The following PASD1 variants were observed in gnomAD, a reference collection of about 807,000 sequenced individuals.
The protein encoded by PASD1 is PAS domain containing repressor 1, also known as circadian clock protein PASD1.
Under a neutral mutation model 58.8 loss-of-function variants are expected in PASD1, and 13 were observed. That is an observed-to-expected ratio of 0.22 (90% confidence interval 0.14 to 0.35). The LOEUF is 0.35. Ranked by LOEUF, PASD1 falls within the 10% of genes least tolerant of loss-of-function variation. The pLI is 1.00. For missense variants in PASD1, 734 were observed against 568.3 expected (o/e 1.29, Z -2.96); for synonymous variants, 236 against 216.7 (o/e 1.09, Z -0.78).
chrX:151,671,335 G>A, intron 12 of PASD1, 139 bp downstream of exon 12: 1 of 767,782 alleles, frequency 1.3e-6, no homozygotes, highest in East Asian at 3.2e-5. Flanking sequence ...CCCACAGGGT[G>A]ATATGGGATA....
chrX:151,607,567 G>A (rs2013503644), intron 3 of PASD1, among the ~76,000 whole-genome samples: 2 of 111,824 alleles, frequency 1.8e-5, no homozygotes, highest in African/African-American at 6.5e-5. Flanking sequence ...AACACACAGC[G>A]GGTTGTTCAG....
At chrX:151,623,575 TA>T (rs1305146338) in intron 7 of PASD1, among the ~76,000 whole-genome samples, 3 of 111,917 alleles carry the variant, frequency 2.7e-5, no homozygotes, top group Non-Finnish European at 5.6e-5. Flanking sequence ...CAGTAACATA[TA>T]TAGTAAGTAC....
intron 8 of PASD1, among the ~76,000 whole-genome samples, chrX:151,641,344 T>C (rs148142400): frequency 2.1e-3 from 239 of 111,624 alleles, no homozygotes; most frequent in African/African-American, 7.4e-3. Context: ...AAAAGAAGAA[T>C]TGAATTTTCT....
chrX:151,668,929 T>TTTC (rs2014424140), intron 11 of PASD1, among the ~76,000 whole-genome samples: 2 of 95,921 alleles, frequency 2.1e-5, no homozygotes, highest in Middle Eastern at 5.2e-3. Flanking sequence ...TTTTTTTTTT[T>TTTC]CAGAGATGGG....
At chrX:151,592,250 G>C (rs765605451) in intron 1 of PASD1, among the ~76,000 whole-genome samples, 19 of 112,247 alleles carry the variant, frequency 1.7e-4, no homozygotes, top group Non-Finnish European at 3.4e-4. Context: ...CATTAGTTGG[G>C]AAGATCTGAT....
intron 8 of PASD1, among the ~76,000 whole-genome samples, chrX:151,633,645 G>A (rs1262030479): frequency 9.0e-6 from 1 of 111,378 alleles, no homozygotes; most frequent in Admixed American, 9.6e-5. Flanking sequence ...AAATTATTTT[G>A]ATCATCTAAA....
chrX:151,603,643 T>G (rs2013448737), intron 2 of PASD1, among the ~76,000 whole-genome samples: 1 of 111,065 alleles, frequency 9.0e-6, no homozygotes, highest in African/African-American at 3.3e-5. Flanking sequence ...TCAGGATCAC[T>G]GATCCTGACT....
chrX:151,627,754 G>C (rs1271816748), intron 8 of PASD1, among the ~76,000 whole-genome samples: 2 of 111,717 alleles, frequency 1.8e-5, no homozygotes, highest in African/African-American at 6.5e-5. Flanking sequence ...GGTATTTCTA[G>C]TTCTAGATCC....
At chrX:151,606,505 C>A (rs2013490715) in intron 3 of PASD1, among the ~76,000 whole-genome samples, 1 of 111,302 alleles carries the variant, frequency 9.0e-6, no homozygotes, top group African/African-American at 3.3e-5. Flanking sequence ...ATCTGCATAA[C>A]AACCTACACT....
At chrX:151,652,532 C>CAAAAAAAAAAAAAAAAAA (rs68106404) in intron 9 of PASD1, among the ~76,000 whole-genome samples, 3 of 69,178 alleles carry the variant, frequency 4.3e-5, no homozygotes, top group Non-Finnish European at 8.8e-5. Context: ...GACTCCGTCT[C>CAAAAAAAAAAAAAAAAAA]AAAAAAAAAA....
At chrX:151,594,262 C>G (rs762464048) in intron 1 of PASD1, among the ~76,000 whole-genome samples, 2 of 111,696 alleles carry the variant, frequency 1.8e-5, no homozygotes, top group African/African-American at 6.5e-5. Flanking sequence ...CGTGAGCCAC[C>G]GTGCCCGGCT....
At chrX:151,600,109 C>A (rs1012371580) in intron 1 of PASD1, among the ~76,000 whole-genome samples, 2 of 112,039 alleles carry the variant, frequency 1.8e-5, no homozygotes, top group South Asian at 7.5e-4. Context: ...CCAAAAAATA[C>A]GAAAACCAGT....
intron 2 of PASD1, among the ~76,000 whole-genome samples, chrX:151,602,251 T>TA (rs2013426921): frequency 8.9e-6 from 1 of 112,075 alleles, no homozygotes; most frequent in Non-Finnish European, 1.9e-5. Context: ...TTATATCCTT[T>TA]GTCCAACATC....
In PASD1 at chrX:151,658,495, G is replaced by A. The variant is rs188074619; in HGVS notation, c.718-1218G>A. On this transcript the variant is annotated intron_variant, in intron 9 of 15. Transcript: ENST00000370357. ...GTTTATGTTGAAAATAATCCAGAAA[G>A]CAAAGAGTTAGTGATTAAATCGATA... is the stretch of plus-strand genomic sequence containing the variant. 3.5e-3 allele frequency among the ~76,000 whole-genome samples: 395 copies of A among 112,249 alleles called. 1 individual carries two copies. The highest frequency in any genetic ancestry group is 4.6e-3 in the Non-Finnish European group (246 of 53,263).
At chrX:151,589,807 TA>T (rs1292864527) in intron 1 of PASD1, among the ~76,000 whole-genome samples, 2 of 111,572 alleles carry the variant, frequency 1.8e-5, no homozygotes, top group Admixed American at 9.5e-5. Flanking sequence ...TTTAAAAATA[TA>T]AAAAAAATGT....
At chrX:151,613,674 C>A (rs1030129876) in intron 4 of PASD1, among the ~76,000 whole-genome samples, 1 of 111,332 alleles carries the variant, frequency 9.0e-6, no homozygotes, top group Non-Finnish European at 1.9e-5. Flanking sequence ...GATTTTGTAT[C>A]CTGAGACTTT....
Position 151,648,669 on chromosome X carries a change from CGCTGCTGCTGCT to C in PASD1, c.697_708del (p.Ala233_Ala236del). ...GCATGAAAGCCGTGTACGTTGAACCCGCTGCTGCTGCTGCTGCTGCTGCTATCTCAGACGTAT... is the reference window on the plus strand; with the variant it reads ...GCATGAAAGCCGTGTACGTTGAACCCGCTGCTGCTGCTATCTCAGACGTAT... On this transcript the variant is annotated inframe_deletion, in exon 9 of 16. Transcript: ENST00000370357. The C allele has an allele frequency of 8.3e-7, 1 of 1,209,246 alleles. No homozygotes were observed. Among genetic ancestry groups the C allele is most frequent in the Non-Finnish European group, 1.1e-6 (1 of 893,979 alleles).
intron 6 of PASD1, among the ~76,000 whole-genome samples, chrX:151,621,840 A>AAAG (rs764305961): frequency 1.8e-5 from 2 of 110,214 alleles, no homozygotes; most frequent in Non-Finnish European, 3.8e-5. Context: ...AAATATAACA[A>AAAG]AAGAAGTTTA....
intron 4 of PASD1, among the ~76,000 whole-genome samples, chrX:151,616,060 T>C (rs2013633303): frequency 8.9e-6 from 1 of 112,121 alleles, no homozygotes; most frequent in African/African-American, 3.2e-5. Context: ...ACTGGAGTGC[T>C]GTGAGCAAAA....
Sources: gnomAD v4.1 joint callset for allele counts (sites outside exome capture counted in the v4.1 genomes callset) on GRCh38, gnomAD v4.1.1 for gene constraint, MANE v1.5 for transcripts, NCBI Gene and HGNC (gene_info 2026-07-23, HGNC 2026-07-21) for gene names.